The following HS3ST4 variants were observed in gnomAD, a reference collection of about 807,000 sequenced individuals.
HS3ST4 encodes the protein heparan sulfate-glucosamine 3-sulfotransferase 4.
Under a neutral mutation model 29.2 loss-of-function variants are expected in HS3ST4, and 17 were observed. The observed-to-expected ratio is 0.58, with a 90% CI of 0.40 to 0.87. The LOEUF (loss-of-function observed/expected upper bound fraction) is 0.87. Ranked by LOEUF, HS3ST4 falls within the 40% of genes least tolerant of loss-of-function variation. The pLI is 0.00. For missense variants in HS3ST4, 627 were observed against 634.5 expected, an observed-to-expected ratio of 0.99 and a Z score of 0.13; for synonymous variants, 314 against 285.7, an observed-to-expected ratio of 1.10 and a Z score of -1.00.
At position 26,030,198 on chromosome 16, in the gene HS3ST4, T is replaced by G. The variant is rs1429554605; in HGVS notation, c.735-105414T>G. 3.3e-5 allele frequency among the ~76,000 whole-genome samples: 5 copies of G among 152,198 alleles called. No homozygotes were observed. In the South Asian group the frequency reaches 1.0e-3, roughly 32 times the overall value. ...CATCTTAGCTCTGCTCATCTCTAGCTCCATGATTTTGTGAGTTACATAAAT... is the reference window on the plus strand; with the variant it reads ...CATCTTAGCTCTGCTCATCTCTAGCGCCATGATTTTGTGAGTTACATAAAT... On this transcript the variant is annotated intron_variant, in intron 1 of 1. Transcript: ENST00000331351.
At chr16:25,733,460 T>A (rs577811840) in intron 1 of HS3ST4, among the ~76,000 whole-genome samples, 4 of 152,334 alleles carry the variant, frequency 2.6e-5, no homozygotes, top group African/African-American at 9.6e-5. Context: ...TGAGGCATCA[T>A]GTTTTACAAG....
intron 1 of HS3ST4, among the ~76,000 whole-genome samples, chr16:25,794,938 C>CAT (rs1259671381): frequency 6.8e-5 from 9 of 132,568 alleles, no homozygotes; most frequent in African/African-American, 2.0e-4. Flanking sequence ...CACACACACA[C>CAT]ATATATATTC....
At position 25,875,411 on chromosome 16, in the gene HS3ST4, G is replaced by A. The variant is rs185912431; in HGVS notation, c.734+182260G>A. ...CCATGTGCTCATGTGGCTGGTCCAG[G>A]CTGCAAGTCTGTGCTGACTCTGTAG... On this transcript the variant is annotated intron_variant, in intron 1 of 1. Transcript: ENST00000331351. 2.8e-4 allele frequency among the ~76,000 whole-genome samples: 42 copies of A among 152,268 alleles called. 1 individual carries two copies. In the East Asian group the frequency reaches 7.3e-3, roughly 27 times the overall value.
chr16:25,964,771 A>G (rs541791323), intron 1 of HS3ST4, among the ~76,000 whole-genome samples: 68 of 152,188 alleles, frequency 4.5e-4, no homozygotes, highest in Non-Finnish European at 6.9e-4. Context: ...GTTCAATCAT[A>G]GTGTACACAT....
At chr16:25,864,210 T>C (rs942550137) in intron 1 of HS3ST4, among the ~76,000 whole-genome samples, 3 of 152,242 alleles carry the variant, frequency 2.0e-5, no homozygotes, top group Non-Finnish European at 2.9e-5. Flanking sequence ...TGCATGTATT[T>C]ACGGTGTGCA....
chr16:25,832,130 T>C (rs1188792686), intron 1 of HS3ST4, among the ~76,000 whole-genome samples: 1 of 152,058 alleles, frequency 6.6e-6, no homozygotes, highest in Non-Finnish European at 1.5e-5. Context: ...AATAAAAATA[T>C]AGTCCCATAT....
At chr16:25,904,560 A>AC (rs1968161057) in intron 1 of HS3ST4, among the ~76,000 whole-genome samples, 1 of 152,138 alleles carries the variant, frequency 6.6e-6, no homozygotes, top group Non-Finnish European at 1.5e-5. Flanking sequence ...GCTTGTGGGG[A>AC]CAGGTTGCTT....
At chr16:25,693,300 C>A in intron 1 of HS3ST4, 149 bp downstream of exon 1, 1 of 849,536 alleles carries the variant, frequency 1.2e-6, no homozygotes, top group Non-Finnish European at 1.7e-6. Flanking sequence ...CGGCGTTGCT[C>A]AGGGGGATCG....
chr16:25,928,036 A>C (rs1968424364), intron 1 of HS3ST4, among the ~76,000 whole-genome samples: 1 of 69,670 alleles, frequency 1.4e-5, no homozygotes. Flanking sequence ...CCATCTCGAC[A>C]AAAAAAAAAA....
At chr16:26,106,860 G>A (rs111995100) in intron 1 of HS3ST4, among the ~76,000 whole-genome samples, 2,375 of 152,290 alleles carry the variant, frequency 0.016, 55 homozygotes, top group African/African-American at 0.052. Context: ...GCTGAGTGCA[G>A]CATGAATTGT....
intron 1 of HS3ST4, among the ~76,000 whole-genome samples, chr16:25,831,396 TACACACACACAC>T (rs58851793): frequency 5.8e-4 from 73 of 126,132 alleles, no homozygotes; most frequent in South Asian, 2.1e-3. Flanking sequence ...ACCCCGTCTC[TACACACACACAC>T]ACACACACAC....
chr16:25,937,069 G>A (rs1968523861), intron 1 of HS3ST4, among the ~76,000 whole-genome samples: 1 of 152,054 alleles, frequency 6.6e-6, no homozygotes, highest in Admixed American at 6.6e-5. Flanking sequence ...TCAGGACATG[G>A]TATCTTTTGG....
rs544768692 is a variant in HS3ST4 at position 25,911,094 on chromosome 16, T to TGA, written c.734+217946_734+217947dup. Among the ~76,000 whole-genome samples, 371 of 152,256 alleles carry TGA rather than the reference T, an allele frequency of 2.4e-3. 1 individual carries two copies. Among genetic ancestry groups the TGA allele is most frequent in the Non-Finnish European group, 4.6e-3 (311 of 68,018 alleles). On this transcript the variant is annotated intron_variant, in intron 1 of 1. Coordinates refer to ENST00000331351, the MANE Select transcript of HS3ST4 (RefSeq NM_006040.3). ...GTGACGTTGCTGCAGTTTATTGTAT[T>TGA]GAGAAATATGAAGACATTCCCTCAG...
chr16:25,790,660 A>G (rs929869983), intron 1 of HS3ST4, among the ~76,000 whole-genome samples: 2 of 152,090 alleles, frequency 1.3e-5, no homozygotes, highest in Non-Finnish European at 2.9e-5. Flanking sequence ...ACTCTTTCAT[A>G]TACTTACTGA....
intron 1 of HS3ST4, among the ~76,000 whole-genome samples, chr16:26,084,888 G>T (rs1427892880): frequency 6.6e-6 from 1 of 152,150 alleles, no homozygotes; most frequent in Admixed American, 6.5e-5. Context: ...GGGATTTCAG[G>T]CATGAGCCAT....
intron 1 of HS3ST4, among the ~76,000 whole-genome samples, chr16:26,074,313 C>T (rs537288678): frequency 4.8e-4 from 73 of 152,270 alleles, no homozygotes; most frequent in South Asian, 2.9e-3. Flanking sequence ...CTGTTTCTTA[C>T]GGCTGGAAAA....
chr16:25,694,235 T>C (rs1467633019), intron 1 of HS3ST4, among the ~76,000 whole-genome samples: 1 of 152,228 alleles, frequency 6.6e-6, no homozygotes, highest in East Asian at 1.9e-4. Flanking sequence ...CAAGATTGTT[T>C]CTCTGACAGG....
intron 1 of HS3ST4, among the ~76,000 whole-genome samples, chr16:26,047,706 A>G (rs1298173009): frequency 6.6e-6 from 1 of 152,146 alleles, no homozygotes; most frequent in Non-Finnish European, 1.5e-5. Context: ...CAGTCAGTTC[A>G]TTTTAATTCC....
intron 1 of HS3ST4, among the ~76,000 whole-genome samples, chr16:26,126,656 A>C (rs1472259370): frequency 1.3e-5 from 2 of 152,086 alleles, no homozygotes; most frequent in Non-Finnish European, 2.9e-5. Flanking sequence ...TCAACAGGGG[A>C]TCATTTGGAC....
Sources: allele counts gnomAD v4.1 joint callset (sites outside exome capture counted in the v4.1 genomes callset), GRCh38; gene constraint gnomAD v4.1.1; transcripts MANE v1.5; gene names NCBI Gene and HGNC (gene_info 2026-07-23, HGNC 2026-07-21).